CADPS: variants seen among roughly 807,000 people sequenced by gnomAD.
CADPS encodes the protein calcium-dependent secretion activator 1.
A neutral mutation model predicts 167.3 loss-of-function variants in CADPS; 57 were observed. The observed-to-expected ratio is 0.34, with a 90% CI of 0.28 to 0.42. The LOEUF (loss-of-function observed/expected upper bound fraction) is 0.42, where lower values mean the gene tolerates loss of function less well. CADPS is among the 20% of genes least tolerant of loss of function. The pLI is 1.00. For missense variants in CADPS, 1,414 were observed against 1,738.1 expected (o/e 0.81, Z 3.32); for synonymous variants, 676 against 635.3 (o/e 1.06, Z -0.96).
chr3:62,840,069 A>T (rs1284012044), intron 1 of CADPS, among the ~76,000 whole-genome samples: 1 of 152,186 alleles, frequency 6.6e-6, no homozygotes, highest in Non-Finnish European at 1.5e-5. Flanking sequence ...TCTAACAAAG[A>T]TTAAATTTGA....
chr3:62,641,402 A>G (rs555984646), intron 6 of CADPS, among the ~76,000 whole-genome samples: 6 of 152,304 alleles, frequency 3.9e-5, no homozygotes, highest in African/African-American at 9.6e-5. Context: ...ATTACTTAAC[A>G]TAATCTCTGT....
rs961206370 is a variant in CADPS, at chr3:62,412,063, A to G, written c.3778-8878T>C. On this transcript the variant is annotated intron_variant, in intron 28 of 29. Transcript: ENST00000383710. This position sits in a 1 kb window ranked among gnomAD's most constrained non-coding sequence, Gnocchi z 4.1. ...AGCTATAATCAGACACCGAAGCTCT[A>G]AACAGACACCAAAATCAGAGGGTAC... Among the ~76,000 whole-genome samples, 1 of 152,190 alleles carries G rather than the reference A, an allele frequency of 6.6e-6. No homozygotes were observed. The highest frequency in any genetic ancestry group is 6.5e-5 in the Admixed American group (1 of 15,288).
intron 3 of CADPS, 98 bp from the exon 4 acceptor site, chr3:62,662,492 G>T: frequency 1.0e-6 from 1 of 977,772 alleles, no homozygotes; most frequent in Non-Finnish European, 1.6e-6. Flanking sequence ...TGTGCTCCAT[G>T]GACATATTTC....
At chr3:62,684,587 G>A (rs974636687) in intron 3 of CADPS, among the ~76,000 whole-genome samples, 4 of 152,012 alleles carry the variant, frequency 2.6e-5, no homozygotes, top group South Asian at 2.1e-4. Flanking sequence ...TGACTTGCCC[G>A]AGTAAAGGGC....
chr3:62,682,590 G>A (rs1164703072), intron 3 of CADPS, among the ~76,000 whole-genome samples: 2 of 152,030 alleles, frequency 1.3e-5, no homozygotes, highest in Non-Finnish European at 2.9e-5. Flanking sequence ...GAGAGGTTAG[G>A]AAACTAGTTT....
At chr3:62,837,429 G>A (rs1298843567) in intron 1 of CADPS, among the ~76,000 whole-genome samples, 1 of 152,100 alleles carries the variant, frequency 6.6e-6, no homozygotes, top group Admixed American at 6.5e-5. Context: ...AATGTGCCAG[G>A]GCACTTAATA....
In CADPS at chr3:62,433,837, C is replaced by G. The variant is rs1041163541; in HGVS notation, c.3777+4267G>C. ...GGTGCGTCTCTTGATGATCTGATCT[C>G]TAATTTCAAAAAGCATGTTTTTATT... On this transcript the variant is annotated intron_variant, in intron 28 of 29. Transcript: ENST00000383710. This position sits in a 1 kb window ranked among gnomAD's most constrained non-coding sequence, Gnocchi z 4.7. Among the ~76,000 whole-genome samples the G allele has an allele frequency of 6.6e-6, 1 of 152,132 alleles. No homozygotes were observed. The highest frequency in any genetic ancestry group is 1.5e-5 in the Non-Finnish European group (1 of 68,008).
rs1393964342 is a variant in CADPS, at chr3:62,398,359, C to T, written c.*1047G>A. ...CAGACCCAAACGTATATTCTTAGGA[C>T]ATCTGAATATTTATTGAGAAGCCAC... On this transcript the variant is annotated 3_prime_UTR_variant, in exon 30 of 30. Coordinates refer to ENST00000383710, the MANE Select transcript of CADPS (RefSeq NM_003716.4). The T allele has an allele frequency of 6.6e-6, 1 of 152,594 alleles. No individual in the cohort carries two copies. Among genetic ancestry groups the T allele is most frequent in the East Asian group, 1.9e-4 (1 of 5,188 alleles). 9.5% of individuals were successfully genotyped at this position (152,594 alleles called of 1,614,324 possible).
intron 13 of CADPS, among the ~76,000 whole-genome samples, chr3:62,527,076 C>A (rs918901308): frequency 6.6e-6 from 1 of 152,188 alleles, no homozygotes; most frequent in African/African-American, 2.4e-5. Flanking sequence ...AGGATGCCAC[C>A]TAGTACTCTG....
intron 1 of CADPS, among the ~76,000 whole-genome samples, chr3:62,782,852 T>C (rs535824246): frequency 1.7e-4 from 26 of 151,224 alleles, no homozygotes; most frequent in Non-Finnish European, 3.4e-4. Flanking sequence ...CTCTGCCTCC[T>C]GGGTTCAAAC....
intron 6 of CADPS, among the ~76,000 whole-genome samples, chr3:62,636,709 C>T (rs1259103132): frequency 6.6e-6 from 1 of 152,152 alleles, no homozygotes; most frequent in Non-Finnish European, 1.5e-5. Context: ...GGAACAATGG[C>T]CCTGATCCAG....
rs983210887 is a variant in CADPS at position 62,446,326 on chromosome 3, G to A, written c.3637-529C>T. 1.3e-5 allele frequency among the ~76,000 whole-genome samples: 2 copies of A among 152,188 alleles called. No homozygotes were observed. Among genetic ancestry groups the A allele is most frequent in the African/African-American group, 4.8e-5 (2 of 41,438 alleles). ...GAGAACCTTTCAAAACTGCCCAAAG[G>A]CTGCCGTTATGTCTCCTGCTTTTAC... On this transcript the variant is annotated intron_variant, in intron 26 of 29. Transcript: ENST00000383710. The surrounding 1 kb of genome is among the most constrained non-coding windows in gnomAD (Gnocchi z 4.9).
chr3:62,814,310 A>T (rs1187431278), intron 1 of CADPS: 1 of 152,148 alleles, frequency 6.6e-6, no homozygotes, highest in African/African-American at 2.4e-5. Flanking sequence ...AAATAAAAAC[A>T]GGTGAAATTT....
chr3:62,684,282 G>A (rs950676540), intron 3 of CADPS, among the ~76,000 whole-genome samples: 5 of 151,928 alleles, frequency 3.3e-5, no homozygotes, highest in Non-Finnish European at 5.9e-5. Flanking sequence ...TCAAATTTGG[G>A]CATTGAAAAT....
chr3:62,769,629 G>A (rs1365797733), intron 1 of CADPS, among the ~76,000 whole-genome samples: 1 of 152,140 alleles, frequency 6.6e-6, no homozygotes, highest in Admixed American at 6.5e-5. Flanking sequence ...TAGTGCATGT[G>A]CTCCCTTCCA....
chr3:62,871,596 G>T (rs2082641862), intron 1 of CADPS, among the ~76,000 whole-genome samples: 2 of 152,102 alleles, frequency 1.3e-5, no homozygotes, highest in South Asian at 2.1e-4. Flanking sequence ...CCATCTACGT[G>T]GTGCTTTAGG....
At chr3:62,719,962 C>G (rs2075429431) in intron 3 of CADPS, among the ~76,000 whole-genome samples, 1 of 152,202 alleles carries the variant, frequency 6.6e-6, no homozygotes, top group South Asian at 2.1e-4. Context: ...TTCTTTTGCT[C>G]TGGCACAGCG....
At chr3:62,413,576 G>C (rs960270321) in intron 28 of CADPS, among the ~76,000 whole-genome samples, 1 of 152,174 alleles carries the variant, frequency 6.6e-6, no homozygotes, top group African/African-American at 2.4e-5. Flanking sequence ...AGAACAGTCA[G>C]AAAGTAGAAC....
chr3:62,749,874 G>A (rs1453332096), intron 3 of CADPS, among the ~76,000 whole-genome samples: 9 of 152,182 alleles, frequency 5.9e-5, no homozygotes, highest in African/African-American at 9.7e-5. Flanking sequence ...GTGCGTCAGG[G>A]CACTGTCTAC....
Sources: allele counts gnomAD v4.1 joint callset (sites outside exome capture counted in the v4.1 genomes callset), GRCh38; gene constraint gnomAD v4.1.1; non-coding constraint Gnocchi (gnomAD v3.1); transcripts MANE v1.5; gene names NCBI Gene and HGNC (gene_info 2026-07-23, HGNC 2026-07-21).